Variants in DMD observed in about 807,000 individuals in gnomAD.
The protein encoded by DMD is mutant dystrophin.
DMD carries 63 observed loss-of-function variants against 330.1 expected under a neutral mutation model. That is an observed-to-expected ratio of 0.19 (90% CI 0.16 to 0.24). DMD has a LOEUF of 0.24. Ranked by LOEUF, DMD falls within the 10% of genes least tolerant of loss-of-function variation. The pLI is 1.00. For synonymous variants in DMD, 1,223 were observed against 959.8 expected (o/e 1.27, Z -5.07); for missense variants, 3,344 against 2,684.1 (o/e 1.25, Z -5.43).
At chrX:32,865,342 G>T (rs1327798069) in intron 2 of DMD, among the ~76,000 whole-genome samples, 1 of 111,570 alleles carries the variant, frequency 9.0e-6, no homozygotes, top group Non-Finnish European at 1.9e-5. Flanking sequence ...CGTAAGTATG[G>T]TGCTGGCACA....
chrX:31,289,259 A>T lies in DMD; in HGVS notation c.9225-28243T>A, dbSNP rs377407010. Among the ~76,000 whole-genome samples, 71 of 86,662 alleles carry T rather than the reference A, an allele frequency of 8.2e-4. 2 individuals carry two copies. The highest frequency in any genetic ancestry group is 6.4e-3 in the East Asian group (22 of 3,440). The allele number at this position is 86,662 out of a possible 115,157, so 75.3% of individuals were successfully genotyped here. A position where few individuals can be genotyped will look rare whatever the true frequency, so the allele number is the denominator to read the frequency against. ...CAGCCTGGGTGACAGAGCAAAAAAA[A>T]AAAAAATAAAAAATAAAATAAAATC... is the stretch of plus-strand genomic sequence containing the variant. On this transcript the variant is annotated intron_variant, in intron 62 of 78. Transcript: ENST00000357033.
At chrX:32,759,633 T>C (rs775517162) in intron 7 of DMD, among the ~76,000 whole-genome samples, 1 of 112,045 alleles carries the variant, frequency 8.9e-6, no homozygotes, top group South Asian at 3.7e-4. Flanking sequence ...GGATTCATCA[T>C]TTCACAAAGT....
chrX:31,369,352 T>C (rs1208920013), intron 60 of DMD, among the ~76,000 whole-genome samples: 1 of 111,904 alleles, frequency 8.9e-6, no homozygotes, highest in Non-Finnish European at 1.9e-5. Flanking sequence ...GCAAGAACAA[T>C]ATCAGGGAGA....
chrX:31,506,560 T>C (rs982957096), intron 56 of DMD, among the ~76,000 whole-genome samples: 1 of 112,530 alleles, frequency 8.9e-6, no homozygotes, highest in Non-Finnish European at 1.9e-5. Context: ...TATCCTTTTG[T>C]TCCTCCACGG....
At chrX:31,329,049 C>G (rs72625576) in intron 61 of DMD, among the ~76,000 whole-genome samples, 1,317 of 112,305 alleles carry the variant, frequency 0.012, 6 homozygotes, top group East Asian at 0.086. Context: ...CTTAGCTAGA[C>G]CATTTATCCA....
At chrX:31,160,657 G>C (rs1365697800) in intron 74 of DMD, among the ~76,000 whole-genome samples, 2 of 111,731 alleles carry the variant, frequency 1.8e-5, no homozygotes, top group Non-Finnish European at 3.8e-5. Flanking sequence ...CAGTGCAAAT[G>C]CTAACGTAAT....
chrX:32,942,625 C>T (rs1220987154), intron 2 of DMD, among the ~76,000 whole-genome samples: 1 of 111,751 alleles, frequency 8.9e-6, no homozygotes, highest in Admixed American at 9.5e-5. Context: ...GGTAAATTGC[C>T]ATGGAAATCA....
chrX:32,474,988 G>T (rs2041077794), intron 21 of DMD, among the ~76,000 whole-genome samples: 1 of 111,388 alleles, frequency 9.0e-6, no homozygotes, highest in African/African-American at 3.3e-5. Flanking sequence ...TATAGTTTCA[G>T]GTCTTAGGTT....
intron 44 of DMD, among the ~76,000 whole-genome samples, chrX:32,187,366 A>G (rs2096952301): frequency 9.0e-6 from 1 of 111,451 alleles, no homozygotes; most frequent in African/African-American, 3.2e-5. Flanking sequence ...CATTTCTACC[A>G]CAGGAAAGCA....
intron 16 of DMD, among the ~76,000 whole-genome samples, chrX:32,549,263 A>G (rs1348318860): frequency 9.0e-6 from 1 of 111,212 alleles, no homozygotes; most frequent in East Asian, 2.9e-4. Flanking sequence ...TCTCAAATCT[A>G]TGCATTATTT....
intron 43 of DMD, among the ~76,000 whole-genome samples, chrX:32,260,790 C>A (rs60451747): frequency 0.13 from 14,139 of 106,520 alleles, 1,243 homozygotes; most frequent in East Asian, 0.41. Context: ...TCTGCTTCTT[C>A]GAATCAAAGC....
intron 30 of DMD, among the ~76,000 whole-genome samples, chrX:32,396,499 T>A (rs1460995520): frequency 9.0e-6 from 1 of 111,183 alleles, no homozygotes; most frequent in African/African-American, 3.3e-5. Flanking sequence ...TTAAACATAT[T>A]TTGGAAATTG....
At chrX:31,489,503 CTTTG>C (rs2069087276) in intron 57 of DMD, among the ~76,000 whole-genome samples, 1 of 112,055 alleles carries the variant, frequency 8.9e-6, no homozygotes, top group Admixed American at 9.5e-5. Flanking sequence ...TCTATTCATG[CTTTG>C]TTTATTTTCT....
At chrX:32,115,293 C>T (rs1211639178) in intron 44 of DMD, among the ~76,000 whole-genome samples, 4 of 111,413 alleles carry the variant, frequency 3.6e-5, no homozygotes, top group Non-Finnish European at 3.8e-5. Flanking sequence ...TGGAGTGCAG[C>T]GGTGTGATCA....
intron 45 of DMD, among the ~76,000 whole-genome samples, chrX:31,941,703 C>T (rs1308933998): frequency 9.0e-6 from 1 of 111,343 alleles, no homozygotes; most frequent in Non-Finnish European, 1.9e-5. Context: ...TGCCCCTCTC[C>T]TTCCTCCCCC....
intron 7 of DMD, among the ~76,000 whole-genome samples, chrX:32,714,293 T>G (rs1036329866): frequency 9.0e-6 from 1 of 111,562 alleles, no homozygotes; most frequent in African/African-American, 3.3e-5. Context: ...ATGTACCTAA[T>G]AGGTAATTTT....
intron 30 of DMD, among the ~76,000 whole-genome samples, chrX:32,397,216 A>G (rs950744539): frequency 8.9e-6 from 1 of 111,815 alleles, no homozygotes; most frequent in Admixed American, 9.5e-5. Context: ...AATTTGAGTT[A>G]TATTTTCACC....
chrX:32,257,557 G>C (rs2097304324), intron 43 of DMD, among the ~76,000 whole-genome samples: 3 of 111,529 alleles, frequency 2.7e-5, no homozygotes. Context: ...ACAAAAACAA[G>C]CAACGGGGAA....
intron 7 of DMD, among the ~76,000 whole-genome samples, chrX:32,732,560 T>C (rs1272475960): frequency 9.0e-6 from 1 of 111,199 alleles, no homozygotes; most frequent in Non-Finnish European, 1.9e-5. Flanking sequence ...TAACAGCGGA[T>C]CTCTCGGCAG....
Sources: allele counts gnomAD v4.1 joint callset (sites outside exome capture counted in the v4.1 genomes callset), GRCh38; gene constraint gnomAD v4.1.1; transcripts MANE v1.5; gene names NCBI Gene and HGNC (gene_info 2026-07-23, HGNC 2026-07-21).